Variants in ZFYVE28 observed in about 807,000 individuals in gnomAD.
ZFYVE28 encodes zinc finger FYVE-type containing 28.
A neutral mutation model predicts 82.1 loss-of-function variants in ZFYVE28; 40 were observed. That is an observed-to-expected ratio of 0.49 (90% CI 0.38 to 0.63). ZFYVE28 has a LOEUF of 0.63. Among genes scored for constraint, ZFYVE28 ranks in the 30% least tolerant of loss-of-function variants. ZFYVE28 has a pLI of 0.00. For synonymous variants in ZFYVE28, 612 were observed against 546.1 expected (o/e 1.12, Z -1.68); for missense variants, 1,321 against 1,242.1 (o/e 1.06, Z -0.96).
intron 1 of ZFYVE28, among the ~76,000 whole-genome samples, chr4:2,402,393 A>G (rs10010191): frequency 0.85 from 129,182 of 152,124 alleles, 55,011 homozygotes; most frequent in Admixed American, 0.9. Context: ...AGGTGCTGGA[A>G]GGCCATGTCC....
chr4:2,296,023 G>A (rs1353384475), intron 8 of ZFYVE28, among the ~76,000 whole-genome samples: 2 of 152,222 alleles, frequency 1.3e-5, no homozygotes, highest in African/African-American at 4.8e-5. Flanking sequence ...CCAGGGAACA[G>A]AGGGCCTGTA....
intron 1 of ZFYVE28, among the ~76,000 whole-genome samples, chr4:2,388,576 G>A (rs3135093): frequency 0.61 from 93,264 of 152,014 alleles, 29,780 homozygotes; most frequent in East Asian, 0.73. Flanking sequence ...CCCATGTGAC[G>A]ACTTTATTTA....
At chr4:2,383,586 C>T (rs913519463) in intron 1 of ZFYVE28, among the ~76,000 whole-genome samples, 2 of 152,190 alleles carry the variant, frequency 1.3e-5, no homozygotes, top group Non-Finnish European at 2.9e-5. Flanking sequence ...CCTGGGGAAT[C>T]AAATGCTGCT....
chr4:2,332,952 A>G lies in ZFYVE28; in HGVS notation c.701+2753T>C, dbSNP rs1314834546. Among the ~76,000 whole-genome samples the G allele has an allele frequency of 2.0e-5, 3 of 152,012 alleles. No individual in the cohort carries two copies. Among genetic ancestry groups the G allele is most frequent in the African/African-American group, 7.3e-5 (3 of 41,370 alleles). ...CTCACAGCTGGCCACCCCCCTGGACAGGCCTGCTCCCTGGACTCTGGCTTT... is the reference window on the plus strand; with the variant it reads ...CTCACAGCTGGCCACCCCCCTGGACGGGCCTGCTCCCTGGACTCTGGCTTT... On this transcript the variant is annotated intron_variant, in intron 6 of 12. Transcript: ENST00000290974. This position sits in a 1 kb window ranked among gnomAD's most constrained non-coding sequence, Gnocchi z 4.7.
chr4:2,418,404 G>C lies in ZFYVE28; in HGVS notation c.-81C>G. ...CCCGGGCCCGGCTGAGGCGCGGGGC[G>C]GACGCGGAGGCACGGCCGGAGCCCC... On this transcript the variant is annotated 5_prime_UTR_variant, in exon 1 of 13. Transcript: ENST00000290974. The surrounding 1 kb of genome is among the most constrained non-coding windows in gnomAD (Gnocchi z 4.6). 1 of 1,100,290 alleles carries C rather than the reference G, an allele frequency of 9.1e-7. No individual in the cohort carries two copies. The highest frequency in any genetic ancestry group is 1.1e-6 in the Non-Finnish European group (1 of 891,336). 68.2% of individuals were successfully genotyped at this position (1,100,290 alleles called of 1,614,324 possible). A position where few individuals can be genotyped will look rare whatever the true frequency, so the allele number is the denominator to read the frequency against.
chr4:2,350,034 G>GACACACACACAC (rs71644325), intron 2 of ZFYVE28, among the ~76,000 whole-genome samples: 135 of 148,822 alleles, frequency 9.1e-4, no homozygotes, highest in East Asian at 2.2e-3. Context: ...GTGACACACA[G>GACACACACACAC]ACACACACAC....
chr4:2,293,143 C>T (rs1713992669), intron 8 of ZFYVE28, among the ~76,000 whole-genome samples: 1 of 151,388 alleles, frequency 6.6e-6, no homozygotes, highest in Non-Finnish European at 1.5e-5. Context: ...TAGGAGAGAA[C>T]TCCTTTTTTA....
chr4:2,351,250 G>A (rs941216663), intron 2 of ZFYVE28, among the ~76,000 whole-genome samples: 4 of 152,306 alleles, frequency 2.6e-5, no homozygotes, highest in African/African-American at 7.2e-5. Context: ...GACTCGGTGT[G>A]TGGGGAATAC....
intron 1 of ZFYVE28, among the ~76,000 whole-genome samples, chr4:2,382,736 A>AT (rs1240148402): frequency 2.6e-5 from 4 of 152,102 alleles, no homozygotes; most frequent in Admixed American, 1.3e-4. Flanking sequence ...ATGAGTTAAG[A>AT]TTTTGGGGGA....
chr4:2,364,282 C>G (rs1387819465), intron 1 of ZFYVE28, among the ~76,000 whole-genome samples: 6 of 152,206 alleles, frequency 3.9e-5, no homozygotes, highest in African/African-American at 1.4e-4. Context: ...CCCACCTACC[C>G]CCTGCAGGTG....
rs1344411689 is a variant in ZFYVE28 at position 2,409,252 on chromosome 4, G to A, written c.39+9033C>T. On this transcript the variant is annotated intron_variant, in intron 1 of 12. Transcript: ENST00000290974. The surrounding 1 kb of genome is among the most constrained non-coding windows in gnomAD (Gnocchi z 4.4). ...CCCCAGCCAGGTCCCACCCCCACCAGGCCCAGATCCATCTACTTTCTCCAT... is the reference window on the plus strand; with the variant it reads ...CCCCAGCCAGGTCCCACCCCCACCAAGCCCAGATCCATCTACTTTCTCCAT... 8.0e-6 allele frequency among the ~76,000 whole-genome samples: 1 copy of A among 124,658 alleles called. No homozygotes were observed. The highest frequency in any genetic ancestry group is 3.1e-5 in the African/African-American group (1 of 31,884). The allele number at this position is 124,658 out of a possible 152,430, so 81.8% of individuals were successfully genotyped here.
chr4:2,414,254 C>CTCAG, intron 1 of ZFYVE28, among the ~76,000 whole-genome samples: 2 of 152,376 alleles, frequency 1.3e-5, no homozygotes, highest in South Asian at 4.1e-4. Flanking sequence ...CTCAGTACTG[C>CTCAG]TCAGTCCTGG....
chr4:2,274,038 C>T lies in ZFYVE28; in HGVS notation c.2206+24G>A, dbSNP rs200918391. 8.9e-4 allele frequency: 1,438 copies of T among 1,611,984 alleles called. 2 individuals are homozygous for T. The highest frequency in any genetic ancestry group is 1.7e-3 in the South Asian group (153 of 90,858). On this transcript the variant is annotated intron_variant, in intron 9 of 12. Coordinates refer to ENST00000290974, the MANE Select transcript of ZFYVE28 (RefSeq NM_020972.3). Reference sequence around the variant, plus strand: ...GCCCGTGTGTCCTCAAGCCATGCACCGGTCTCAGGCCCTGACATGACACCT... The same window carrying T: ...GCCCGTGTGTCCTCAAGCCATGCACTGGTCTCAGGCCCTGACATGACACCT...
intron 1 of ZFYVE28, among the ~76,000 whole-genome samples, chr4:2,375,695 A>C (rs1328078047): frequency 1.3e-5 from 2 of 151,908 alleles, no homozygotes; most frequent in African/African-American, 4.8e-5. Flanking sequence ...CCCACCTCTT[A>C]TCACAGGCTG....
At chr4:2,305,981 G>C (rs540743581) in intron 7 of ZFYVE28, among the ~76,000 whole-genome samples, 2 of 152,360 alleles carry the variant, frequency 1.3e-5, no homozygotes, top group South Asian at 4.1e-4. Context: ...AAGAAGGCAG[G>C]CATGCTCCTG....
At chr4:2,407,267 C>T (rs1216679569) in intron 1 of ZFYVE28, among the ~76,000 whole-genome samples, 1 of 152,132 alleles carries the variant, frequency 6.6e-6, no homozygotes, top group Non-Finnish European at 1.5e-5. Context: ...TGCTCTCCTC[C>T]ACGAACGACA....
intron 1 of ZFYVE28, among the ~76,000 whole-genome samples, chr4:2,402,585 G>A (rs188077537): frequency 7.2e-5 from 11 of 152,260 alleles, no homozygotes; most frequent in South Asian, 2.1e-4. Flanking sequence ...GGAAGTGGCC[G>A]GCAGAAGACA....
At chr4:2,309,686 T>G (rs1341959495) in intron 7 of ZFYVE28, among the ~76,000 whole-genome samples, 1 of 152,160 alleles carries the variant, frequency 6.6e-6, no homozygotes, top group Non-Finnish European at 1.5e-5. Context: ...TAAATGGAGA[T>G]AGTGAATAGT....
chr4:2,389,441 G>A (rs968916850), intron 1 of ZFYVE28, among the ~76,000 whole-genome samples: 1 of 152,180 alleles, frequency 6.6e-6, no homozygotes, highest in African/African-American at 2.4e-5. Context: ...ACCACATGAG[G>A]AGGCTCAGCC....
Sources: allele counts gnomAD v4.1 joint callset (sites outside exome capture counted in the v4.1 genomes callset), GRCh38; gene constraint gnomAD v4.1.1; non-coding constraint Gnocchi (gnomAD v3.1); transcripts MANE v1.5; gene names NCBI Gene and HGNC (gene_info 2026-07-23, HGNC 2026-07-21).